Variants in CASK observed in about 807,000 individuals in gnomAD.
The protein encoded by CASK is calcium/calmodulin dependent serine protein kinase.
Under a neutral mutation model 82.9 loss-of-function variants are expected in CASK, and 4 were observed. The observed-to-expected ratio is 0.05, with a 90% CI of 0.02 to 0.11. CASK has a LOEUF of 0.11. Among genes scored for constraint, CASK ranks in the 10% least tolerant of loss-of-function variants. The pLI, the probability that CASK is intolerant of heterozygous loss-of-function variation, is 1.00. For synonymous variants in CASK, 259 were observed against 253.5 expected (o/e 1.02, Z -0.20); for missense variants, 358 against 720.9 (o/e 0.50, Z 5.76).
chrX:41,614,669 G>A (rs1023544737), intron 11 of CASK, among the ~76,000 whole-genome samples: 4 of 110,962 alleles, frequency 3.6e-5, no homozygotes, highest in Admixed American at 9.6e-5. Flanking sequence ...TTACAGGTGC[G>A]TGCCAACACG....
intron 1 of CASK, among the ~76,000 whole-genome samples, chrX:41,916,492 T>C (rs1455109729): frequency 9.0e-6 from 1 of 111,639 alleles, no homozygotes; most frequent in Non-Finnish European, 1.9e-5. Context: ...TCACTGTCAG[T>C]TGCAACTAAA....
chrX:41,629,311 G>T (rs1225470843), intron 9 of CASK, among the ~76,000 whole-genome samples: 1 of 111,780 alleles, frequency 8.9e-6, no homozygotes, highest in Non-Finnish European at 1.9e-5. Flanking sequence ...AGTGACTATA[G>T]ATGGTTTAAA....
chrX:41,886,910 A>T (rs1166421739), intron 1 of CASK, among the ~76,000 whole-genome samples: 2 of 111,328 alleles, frequency 1.8e-5, no homozygotes, highest in African/African-American at 6.5e-5. Flanking sequence ...CATATGTTAG[A>T]AGCTGTGATA....
intron 3 of CASK, among the ~76,000 whole-genome samples, chrX:41,760,948 C>A (rs1368528709): frequency 3.6e-5 from 4 of 111,423 alleles, no homozygotes; most frequent in Non-Finnish European, 7.5e-5. Flanking sequence ...CAAACCAAAT[C>A]AGTCATAACC....
intron 8 of CASK, among the ~76,000 whole-genome samples, chrX:41,638,694 G>C (rs2066599218): frequency 9.0e-6 from 1 of 111,264 alleles, no homozygotes; most frequent in Admixed American, 9.6e-5. Flanking sequence ...TCAAGAAGTA[G>C]CCAGGAGACC....
intron 18 of CASK, chrX:41,559,472 T>C: frequency 3.5e-6 from 1 of 287,326 alleles, no homozygotes; most frequent in Non-Finnish European, 6.2e-6. Context: ...TTATGGCCTT[T>C]AGTTTTTTTC....
At chrX:41,817,729 G>T (rs888027561) in intron 2 of CASK, among the ~76,000 whole-genome samples, 104 of 110,622 alleles carry the variant, frequency 9.4e-4, no homozygotes, top group African/African-American at 3.4e-3. Flanking sequence ...TATATCAGTT[G>T]TATTTATATA....
chrX:41,546,386 A>G (rs1485577104), intron 21 of CASK, among the ~76,000 whole-genome samples: 1 of 112,314 alleles, frequency 8.9e-6, no homozygotes, highest in African/African-American at 3.2e-5. Flanking sequence ...CTGGGATTAC[A>G]GGCATGAGCC....
intron 11 of CASK, among the ~76,000 whole-genome samples, chrX:41,613,118 C>G (rs1362337095): frequency 2.7e-5 from 3 of 112,130 alleles, no homozygotes; most frequent in South Asian, 3.7e-4. Context: ...GCCACCACCC[C>G]GTCTGGGAGG....
In CASK at chrX:41,922,918, G is replaced by A. The variant is rs2072812470; in HGVS notation, c.59+12C>T. The stretch of plus-strand genomic sequence containing the variant: ...TTTTTCCACACTCCCGCTCCCTCGC[G>A]TGGAGACTCACTTTCCGATCACCTC... On this transcript the variant is annotated intron_variant, in intron 1 of 26. Coordinates refer to ENST00000378163, the MANE Select transcript of CASK (RefSeq NM_001367721.1). The A allele has an allele frequency of 8.3e-7, 1 of 1,205,171 alleles. No homozygotes were observed. The highest frequency in any genetic ancestry group is 1.1e-6 in the Non-Finnish European group (1 of 889,552).
chrX:41,746,146 G>A (rs1199499675), intron 3 of CASK, among the ~76,000 whole-genome samples: 1 of 111,066 alleles, frequency 9.0e-6, no homozygotes, highest in Non-Finnish European at 1.9e-5. Context: ...TGTTGGTAAC[G>A]CAATGTCACG....
At chrX:41,596,612 T>C (rs1468791242) in intron 12 of CASK, among the ~76,000 whole-genome samples, 1 of 112,229 alleles carries the variant, frequency 8.9e-6, no homozygotes. Context: ...ATGAATCTGT[T>C]ACTGTTTACT....
intron 12 of CASK, among the ~76,000 whole-genome samples, chrX:41,608,150 G>T (rs2065987058): frequency 8.9e-6 from 1 of 111,832 alleles, no homozygotes; most frequent in Admixed American, 9.5e-5. Flanking sequence ...TCCCAAACTG[G>T]TCCTCATCAA....
At chrX:41,537,730 T>C (rs749611455) in intron 22 of CASK, among the ~76,000 whole-genome samples, 10 of 109,977 alleles carry the variant, frequency 9.1e-5, no homozygotes, top group Non-Finnish European at 1.5e-4. Flanking sequence ...GAAAACCTCT[T>C]CAGAGAGTGT....
intron 16 of CASK, 160 bp from the exon 17 acceptor site, chrX:41,561,804 T>C (rs1323150568): frequency 2.2e-6 from 1 of 455,447 alleles, no homozygotes; most frequent in Admixed American, 3.8e-5. Flanking sequence ...ATTTAACTCA[T>C]GTAGTAACCT....
chrX:41,661,640 T>C (rs2067034501), intron 7 of CASK, among the ~76,000 whole-genome samples: 1 of 110,942 alleles, frequency 9.0e-6, no homozygotes, highest in Non-Finnish European at 1.9e-5. Context: ...AGTGTCTTTA[T>C]GTTGGGGATA....
intron 1 of CASK, among the ~76,000 whole-genome samples, chrX:41,914,737 G>A (rs1267389691): frequency 1.8e-5 from 2 of 111,921 alleles, no homozygotes; most frequent in African/African-American, 3.2e-5. Flanking sequence ...GCACAAGCTC[G>A]GGAATGAAAA....
At chrX:41,526,128 T>C (rs776400076) in intron 25 of CASK, among the ~76,000 whole-genome samples, 1 of 112,028 alleles carries the variant, frequency 8.9e-6, no homozygotes, top group Admixed American at 9.5e-5. Context: ...CACTTAGAAA[T>C]ATCCTTTATG....
intron 16 of CASK, among the ~76,000 whole-genome samples, chrX:41,563,486 C>T (rs1280132907): frequency 1.1e-5 from 1 of 87,084 alleles, no homozygotes; most frequent in Admixed American, 1.2e-4. Context: ...AACAATGAAA[C>T]AGAAAATAAA....
Sources: gnomAD v4.1 joint callset for allele counts (sites outside exome capture counted in the v4.1 genomes callset) on GRCh38, gnomAD v4.1.1 for gene constraint, MANE v1.5 for transcripts, NCBI Gene and HGNC (gene_info 2026-07-23, HGNC 2026-07-21) for gene names.